The following DOP1A variants were observed in gnomAD, a reference collection of about 807,000 sequenced individuals.
DOP1A encodes the protein protein DOP1A.
DOP1A carries 90 observed loss-of-function variants against 267.6 expected under a neutral mutation model. The ratio of observed to expected loss-of-function variants is 0.34; its 90% confidence interval spans 0.28 to 0.40. DOP1A has a LOEUF of 0.40. Among genes scored for constraint, DOP1A ranks in the 10% least tolerant of loss-of-function variants. DOP1A has a pLI of 1.00. For synonymous variants in DOP1A, 932 were observed against 999.1 expected, an observed-to-expected ratio of 0.93 and a Z score of 1.27; for missense variants, 2,437 against 2,900.4, an observed-to-expected ratio of 0.84 and a Z score of 3.67.
chr6:83,154,235 T>C lies in DOP1A; in HGVS notation c.6445T>C (p.Leu2149=). Residue 2149 remains leucine (L), a synonymous_variant, in exon 33 of 39, where the codon TTG becomes CTG. Transcript: ENST00000349129. ...ACATGATAAAACAACATTTAGAGAT[T>C]TGATGAGTGAGTATTACGGGATGAC... ...MTHDKTTFRD[L]MTRVAVAQSS... The C allele has an allele frequency of 1.9e-6, 3 of 1,613,438 alleles. No homozygotes were observed. Among genetic ancestry groups the C allele is most frequent in the Non-Finnish European group, 2.5e-6 (3 of 1,179,586 alleles).
rs1189577927 is a variant in DOP1A, at chr6:83,129,033, G to A, written c.1866G>A (p.Glu622=). 1.9e-6 allele frequency: 3 copies of A among 1,613,832 alleles called. No individual in the cohort carries two copies. In the South Asian group the frequency reaches 3.3e-5, roughly 18 times the overall value. ...ATGATATTGACAGAGAACTGAGTGA[G>A]GGCCAGGGGGCAGCTGCCATCCCAA... ...RTDDIDRELS[E]GQGAAAIPIG... is the part of the protein sequence containing the mutation. The change falls in exon 16 of 39, where the codon GAG becomes GAA. Residue 622 remains glutamate, a synonymous_variant. Transcript: ENST00000349129.
Position 83,154,230 on chromosome 6 carries a change from G to A in DOP1A, c.6440G>A (p.Arg2147Lys). The change falls in exon 33 of 39, where the codon AGA (arginine) becomes AAA (lysine). Residue 2147 changes from arginine to lysine, a missense_variant. Physicochemically the swap from Arg to Lys is conservative, Grantham distance 26. Coordinates refer to ENST00000349129, the MANE Select transcript of DOP1A (RefSeq NM_015018.4). ...NLMTHDKTTF[R>K]DLMTRVAVAQ... ...ATGACACATGATAAAACAACATTTA[G>A]AGATTTGATGAGTGAGTATTACGGG... 1 of 1,613,592 alleles carries A rather than the reference G, an allele frequency of 6.2e-7. No individual in the cohort carries two copies. Among genetic ancestry groups the A allele is most frequent in the Non-Finnish European group, 8.5e-7 (1 of 1,179,684 alleles).
intron 24 of DOP1A, among the ~76,000 whole-genome samples, chr6:83,144,714 T>C (rs1409488904): frequency 2.0e-5 from 3 of 151,942 alleles, no homozygotes; most frequent in Non-Finnish European, 4.4e-5. Flanking sequence ...AAATTGAAAA[T>C]AAAATCAGGA....
intron 3 of DOP1A, among the ~76,000 whole-genome samples, chr6:83,099,179 C>T: frequency 6.6e-6 from 1 of 152,106 alleles, no homozygotes; most frequent in Non-Finnish European, 1.5e-5. Context: ...TGAAAACCTA[C>T]AGACACACTC....
Position 83,139,084 on chromosome 6 carries a change from C to T in DOP1A, c.5042C>T (p.Ser1681Phe), listed in dbSNP as rs780057649. The change falls in exon 21 of 39, where the codon TCT (serine) becomes TTT (phenylalanine). Residue 1681 changes from serine (S) to phenylalanine (F), a missense_variant. Transcript: ENST00000349129. ...MGKVLQRVVV[S>F]VTLQLCRNLD... ...AAAGTTCTGCAGAGAGTGGTTGTTT[C>T]TGTGACACTACAACTGTGCAGAAAT... 6.2e-7 allele frequency: 1 copy of T among 1,614,034 alleles called. No individual in the cohort carries two copies. The highest frequency in any genetic ancestry group is 8.5e-7 in the Non-Finnish European group (1 of 1,179,918).
intron 33 of DOP1A, 40 bp downstream of exon 33, chr6:83,154,281 C>T: frequency 6.4e-7 from 1 of 1,558,660 alleles, no homozygotes; most frequent in Non-Finnish European, 8.8e-7. Flanking sequence ...CTTTCCTGTA[C>T]ATGGTTCCTT....
chr6:83,094,467 G>A (rs1771074524), intron 1 of DOP1A, among the ~76,000 whole-genome samples: 1 of 152,208 alleles, frequency 6.6e-6, no homozygotes. Flanking sequence ...GAACCTTGGA[G>A]AACTACTACC....
intron 5 of DOP1A, 119 bp downstream of exon 5, chr6:83,109,199 A>C (rs534917656): frequency 2.4e-6 from 2 of 835,740 alleles, no homozygotes; most frequent in Non-Finnish European, 3.7e-6. Flanking sequence ...AGTATATCAC[A>C]TGAATATTTC....
chr6:83,132,439 A>T lies in DOP1A; in HGVS notation c.2769+111A>T, dbSNP rs1398540714. ...AAATTATTGCAATTAACATCGGAGT[A>T]AGAGAAAATAGCTTTGTTCACAGTG... On this transcript the variant is annotated intron_variant, in intron 18 of 38. Coordinates refer to ENST00000349129, the MANE Select transcript of DOP1A (RefSeq NM_015018.4). 2.5e-6 allele frequency: 3 copies of T among 1,194,312 alleles called. No individual in the cohort carries two copies. In the East Asian group the frequency reaches 7.5e-5, roughly 30 times the overall value. The allele number at this position is 1,194,312 out of a possible 1,614,324, so 74.0% of individuals were successfully genotyped here. A position where few individuals can be genotyped will look rare whatever the true frequency, so the allele number is the denominator to read the frequency against.
Position 83,152,011 on chromosome 6 carries a change from G to C in DOP1A, c.6033G>C (p.Leu2011Phe). 4 of 1,613,636 alleles carry C rather than the reference G, an allele frequency of 2.5e-6. No homozygotes were observed. Among genetic ancestry groups the C allele is most frequent in the Non-Finnish European group, 3.4e-6 (4 of 1,179,778 alleles). ...AAATAATGGTAGATGGAACCAATTTGGAATCTGATGTTGAAGGTATTCTTG... is the reference window on the plus strand; with the variant it reads ...AAATAATGGTAGATGGAACCAATTTCGAATCTGATGTTGAAGGTATTCTTG... The part of the protein sequence containing the change: ...SPKIMVDGTN[L>F]ESDVEDMLSP... The change falls in exon 29 of 39, where the codon TTG becomes TTC. Residue 2011 changes from leucine to phenylalanine, a missense_variant. Physicochemically the swap from Leu to Phe is conservative, Grantham distance 22. Coordinates refer to ENST00000349129, the MANE Select transcript of DOP1A (RefSeq NM_015018.4).
Position 83,132,378 on chromosome 6 carries a change from C to A in DOP1A, c.2769+50C>A, listed in dbSNP as rs760332651. 7.3e-6 allele frequency: 11 copies of A among 1,507,930 alleles called. No individual in the cohort carries two copies. In the Admixed American group the frequency reaches 2.0e-4, roughly 27 times the overall value. The allele number at this position is 1,507,930 out of a possible 1,614,324, so 93.4% of individuals were successfully genotyped here. On this transcript the variant is annotated intron_variant, in intron 18 of 38. Transcript: ENST00000349129. Reference sequence around the variant, plus strand: ...CCGCCCCCTCCGCCACACACACACACACACACAAATACTGAAAAGTAAGAA... The same window carrying A: ...CCGCCCCCTCCGCCACACACACACAAACACACAAATACTGAAAAGTAAGAA...
chr6:83,125,596 G>C lies in DOP1A; in HGVS notation c.1582G>C (p.Glu528Gln), dbSNP rs1483753778. Reference sequence around the variant, plus strand: ...CCATCTCCAGACATTGCACTTATCTGAACTCACAGATTCTCTCAGACTCTG... The same window carrying C: ...CCATCTCCAGACATTGCACTTATCTCAACTCACAGATTCTCTCAGACTCTG... ...TSHLQTLHLS[E>Q]LTDSLRLCSK... The change falls in exon 15 of 39, where the codon GAA becomes CAA. Residue 528 changes from glutamate (E) to glutamine (Q), a missense_variant. Transcript: ENST00000349129. 5.0e-6 allele frequency: 8 copies of C among 1,613,804 alleles called. No individual in the cohort carries two copies. The highest frequency in any genetic ancestry group is 6.8e-6 in the Non-Finnish European group (8 of 1,179,814).
Position 83,158,468 on chromosome 6 carries a change from T to G in DOP1A, c.6742-99T>G, listed in dbSNP as rs984256607. The G allele has an allele frequency of 3.2e-6, 3 of 938,720 alleles. No homozygotes were observed. The Admixed American group carries it at 8.2e-5, about 26-fold the overall frequency. The allele number at this position is 938,720 out of a possible 1,614,324, so 58.1% of individuals were successfully genotyped here. A position where few individuals can be genotyped will look rare whatever the true frequency, so the allele number is the denominator to read the frequency against. ...TTTAAAAGATTCTGAAAATGTATTC[T>G]AAAATTTGTTTTTGCGTTAATGAAA... On this transcript the variant is annotated intron_variant, in intron 35 of 38. Transcript: ENST00000349129.
chr6:83,158,643 A>G (rs759537212), intron 36 of DOP1A, 21 bp downstream of exon 36: 3 of 1,555,512 alleles, frequency 1.9e-6, no homozygotes, highest in Non-Finnish European at 2.6e-6. Flanking sequence ...ATTTAAATAT[A>G]TTGTTGTCCA....
intron 23 of DOP1A, among the ~76,000 whole-genome samples, chr6:83,141,378 T>C (rs1277659766): frequency 1.3e-5 from 2 of 152,190 alleles, no homozygotes; most frequent in Admixed American, 1.3e-4. Flanking sequence ...TTCCAAATGC[T>C]GTGCCATGTC....
chr6:83,153,308 C>A, intron 30 of DOP1A: 1 of 354,054 alleles, frequency 2.8e-6, no homozygotes. Flanking sequence ...GCAAGATTTG[C>A]CCATATTTAT....
chr6:83,138,101 A>G lies in DOP1A; in HGVS notation c.4059A>G (p.Gly1353=). Residue 1353 remains glycine, a synonymous_variant, in exon 21 of 39, where the codon GGA becomes GGG. Transcript: ENST00000349129. ...SEIESDMGSP[G]SRKSPNFNIH... ...TTGAGAGTGACATGGGTTCTCCAGGATCTCGAAAATCTCCCAATTTCAACA... is the reference window on the plus strand; with the variant it reads ...TTGAGAGTGACATGGGTTCTCCAGGGTCTCGAAAATCTCCCAATTTCAACA... The G allele has an allele frequency of 6.2e-7, 1 of 1,613,902 alleles. No individual in the cohort carries two copies. The highest frequency in any genetic ancestry group is 8.5e-7 in the Non-Finnish European group (1 of 1,179,882).
chr6:83,169,424 T>A (rs1004491797), downstream of DOP1A: 4 of 1,368,632 alleles, frequency 2.9e-6, no homozygotes, highest in Non-Finnish European at 4.0e-6. Context: ...GAGGGGTGAT[T>A]CTTGATTTTG....
chr6:83,079,803 A>T (rs2128018736), intron 1 of DOP1A, among the ~76,000 whole-genome samples: 2 of 152,286 alleles, frequency 1.3e-5, no homozygotes, highest in Middle Eastern at 6.8e-3. Flanking sequence ...GCTACAAATA[A>T]AGATACTTTG....
Sources: gnomAD v4.1 joint callset for allele counts (sites outside exome capture counted in the v4.1 genomes callset) on GRCh38, gnomAD v4.1.1 for gene constraint, MANE v1.5 for transcripts, NCBI Gene and HGNC (gene_info 2026-07-23, HGNC 2026-07-21) for gene names.